CPQ: variants seen among roughly 807,000 people sequenced by gnomAD.
The protein encoded by CPQ is Ser-Met dipeptidase.
CPQ carries 37 observed loss-of-function variants against 45.7 expected under a neutral mutation model. The ratio of observed to expected loss-of-function variants is 0.81; its 90% CI spans 0.62 to 1.07. CPQ has a LOEUF of 1.07. CPQ is among the 50% of genes least tolerant of loss of function. CPQ has a pLI of 0.00. For synonymous variants in CPQ, 186 were observed against 205.8 expected (o/e 0.90, Z 0.82); for missense variants, 537 against 572.9 (o/e 0.94, Z 0.64).
chr8:96,856,285 C>T (rs1039729523), intron 3 of CPQ, among the ~76,000 whole-genome samples: 1 of 152,094 alleles, frequency 6.6e-6, no homozygotes, highest in African/African-American at 2.4e-5. Flanking sequence ...TGAGAAATTA[C>T]GATAGCTGGG....
chr8:96,719,476 C>T (rs1809734010), intron 1 of CPQ, among the ~76,000 whole-genome samples: 1 of 152,226 alleles, frequency 6.6e-6, no homozygotes, highest in African/African-American at 2.4e-5. Context: ...CCCTCCACAC[C>T]TCCCTGCAAG....
At chr8:96,771,245 A>C (rs1810540403) in intron 1 of CPQ, among the ~76,000 whole-genome samples, 1 of 151,764 alleles carries the variant, frequency 6.6e-6, no homozygotes, top group South Asian at 2.1e-4. Flanking sequence ...GTGCAGAAAT[A>C]ATAGAGATTC....
At chr8:96,716,374 G>T (rs769839541) in intron 1 of CPQ, among the ~76,000 whole-genome samples, 40 of 151,986 alleles carry the variant, frequency 2.6e-4, no homozygotes, top group Non-Finnish European at 2.4e-4. Context: ...GTGGTGTTTT[G>T]TTACATGGAT....
chr8:97,093,337 A>G (rs1212414330), intron 7 of CPQ, among the ~76,000 whole-genome samples: 1 of 152,194 alleles, frequency 6.6e-6, no homozygotes, highest in Admixed American at 6.5e-5. Flanking sequence ...AGGAACATAA[A>G]TTGTTCTACC....
chr8:96,689,025 GAC>G (rs1330378051), intron 1 of CPQ, among the ~76,000 whole-genome samples: 3 of 152,242 alleles, frequency 2.0e-5, no homozygotes, highest in Admixed American at 2.0e-4. Context: ...CAGCATAAGA[GAC>G]AGAGAAAAAT....
chr8:97,063,469 T>G (rs1810587021), intron 6 of CPQ, among the ~76,000 whole-genome samples: 1 of 152,124 alleles, frequency 6.6e-6, no homozygotes, highest in Non-Finnish European at 1.5e-5. Context: ...GTACAGAAAC[T>G]CTTAATTAGG....
intron 1 of CPQ, among the ~76,000 whole-genome samples, chr8:96,734,528 G>A (rs1057479671): frequency 2.6e-5 from 4 of 151,854 alleles, no homozygotes; most frequent in Non-Finnish European, 5.9e-5. Context: ...TGGCTAAAAC[G>A]GTGAAACTCC....
intron 6 of CPQ, 92 bp from the exon 7 acceptor site, chr8:97,065,917 G>C (rs551669857): frequency 1.6e-6 from 2 of 1,255,802 alleles, no homozygotes; most frequent in East Asian, 4.9e-5. Context: ...GCCGTAAGGA[G>C]GTAAAGTATT....
intron 7 of CPQ, among the ~76,000 whole-genome samples, chr8:97,133,994 C>T (rs1476124629): frequency 1.3e-5 from 2 of 152,122 alleles, no homozygotes; most frequent in African/African-American, 4.8e-5. Flanking sequence ...TTGTATACTG[C>T]TATATGTTCA....
rs749278181 is a variant in CPQ, at chr8:97,078,763, T to TTCTCTCTCTCTC, written c.1255+12586_1255+12597dup. 2.4e-3 allele frequency among the ~76,000 whole-genome samples: 245 copies of TTCTCTCTCTCTC among 100,282 alleles called. 3 individuals carry two copies. The highest frequency in any genetic ancestry group is 3.8e-3 in the South Asian group (9 of 2,396). 65.8% of individuals were successfully genotyped at this position (100,282 alleles called of 152,430 possible). A position where few individuals can be genotyped will look rare whatever the true frequency, so the allele number is the denominator to read the frequency against. On this transcript the variant is annotated intron_variant, in intron 7 of 7. Coordinates refer to ENST00000220763, the MANE Select transcript of CPQ (RefSeq NM_016134.4). ...ACTCTAAATATGATATCATTTCCAT[T>TTCTCTCTCTCTC]TCTCTCTCTCTCTCTCTCTCTCTCT...
chr8:96,718,038 A>G (rs1034165964), intron 1 of CPQ, among the ~76,000 whole-genome samples: 3 of 152,154 alleles, frequency 2.0e-5, no homozygotes, highest in Non-Finnish European at 2.9e-5. Context: ...CCAGGCCATA[A>G]GCTTTCTCCA....
chr8:97,073,214 A>G (rs1347592530), intron 7 of CPQ, among the ~76,000 whole-genome samples: 1 of 152,210 alleles, frequency 6.6e-6, no homozygotes, highest in Non-Finnish European at 1.5e-5. Flanking sequence ...TTTCTGCCCA[A>G]TACCTCATAT....
intron 3 of CPQ, among the ~76,000 whole-genome samples, chr8:96,875,297 G>A (rs1019504611): frequency 1.3e-5 from 2 of 151,788 alleles, no homozygotes; most frequent in African/African-American, 4.8e-5. Flanking sequence ...TTTTGATGGT[G>A]TCCTCTAAAG....
At chr8:97,063,680 A>G (rs1301127410) in intron 6 of CPQ, among the ~76,000 whole-genome samples, 1 of 152,094 alleles carries the variant, frequency 6.6e-6, no homozygotes, top group African/African-American at 2.4e-5. Context: ...CAACTTCTGC[A>G]TGTGGCTAGT....
At chr8:97,093,913 T>C (rs1811168901) in intron 7 of CPQ, among the ~76,000 whole-genome samples, 1 of 152,184 alleles carries the variant, frequency 6.6e-6, no homozygotes, top group Non-Finnish European at 1.5e-5. Flanking sequence ...AAATCTGTTT[T>C]GTGGTATCCT....
At chr8:96,926,591 T>TTCTTCTTCTTCTTCTTCTTCTTCC (rs1812887406) in intron 4 of CPQ, among the ~76,000 whole-genome samples, 2 of 143,760 alleles carry the variant, frequency 1.4e-5, no homozygotes, top group African/African-American at 2.8e-5. Flanking sequence ...CTTCTTCTTC[T>TTCTTCTTCTTCTTCTTCTTCTTCC]TCTTCTTCTT....
At chr8:96,707,574 C>T (rs1031913475) in intron 1 of CPQ, among the ~76,000 whole-genome samples, 7 of 151,916 alleles carry the variant, frequency 4.6e-5, no homozygotes, top group African/African-American at 1.7e-4. Flanking sequence ...AGTTGAGGCA[C>T]CCCTGATCTA....
At chr8:97,059,311 G>A (rs1432766517) in intron 6 of CPQ, among the ~76,000 whole-genome samples, 3 of 152,160 alleles carry the variant, frequency 2.0e-5, no homozygotes, top group Admixed American at 1.3e-4. Context: ...GCAGTGACAA[G>A]ATGGTTAGAT....
chr8:96,724,764 A>G (rs144769313), intron 1 of CPQ, among the ~76,000 whole-genome samples: 1 of 152,340 alleles, frequency 6.6e-6, no homozygotes, highest in African/African-American at 2.4e-5. Context: ...CAATTCTAAA[A>G]TTCATATGGA....
Sources: allele counts gnomAD v4.1 joint callset (sites outside exome capture counted in the v4.1 genomes callset), GRCh38; gene constraint gnomAD v4.1.1; transcripts MANE v1.5; gene names NCBI Gene and HGNC (gene_info 2026-07-23, HGNC 2026-07-21).